POLR3G: variants seen among roughly 807,000 people sequenced by gnomAD.
POLR3G encodes RNA polymerase III subunit G, also known as DNA-directed RNA polymerase III subunit RPC7.
POLR3G carries 28 observed loss-of-function variants against 30.1 expected under a neutral mutation model. That is an observed-to-expected ratio of 0.93 (90% CI 0.69 to 1.27). The LOEUF (loss-of-function observed/expected upper bound fraction) is 1.27, where lower values mean the gene tolerates loss of function less well. POLR3G is among the 50% of genes most tolerant of loss of function. The pLI is 0.00. For synonymous variants in POLR3G, 79 were observed against 82.5 expected (o/e 0.96, Z 0.23); for missense variants, 254 against 264.6 (o/e 0.96, Z 0.28).
chr5:90,497,041 A>G (rs980605385), intron 4 of POLR3G, among the ~76,000 whole-genome samples: 1 of 152,238 alleles, frequency 6.6e-6, no homozygotes, highest in Non-Finnish European at 1.5e-5. Flanking sequence ...TTTTAAATCA[A>G]CTTTTATGTT....
intron 3 of POLR3G, chr5:90,490,552 C>T (rs557222609): frequency 1.3e-5 from 5 of 388,698 alleles, no homozygotes; most frequent in Admixed American, 6.3e-5. Context: ...GCGCACACAC[C>T]ATGCCCGGCT....
intron 7 of POLR3G, among the ~76,000 whole-genome samples, chr5:90,510,246 C>T (rs1035308414): frequency 2.3e-4 from 35 of 152,022 alleles, no homozygotes; most frequent in Non-Finnish European, 3.8e-4. Context: ...GGCGTGGTGG[C>T]AGGCGCCTGT....
rs1164898166 is a variant in POLR3G, at chr5:90,492,643, G to T, written c.248-3034G>T. Among the ~76,000 whole-genome samples the T allele has an allele frequency of 2.0e-5, 3 of 152,186 alleles. No individual in the cohort carries two copies. The East Asian group carries it at 5.8e-4, about 29-fold the overall frequency. On this transcript the variant is annotated intron_variant, in intron 3 of 7. Coordinates refer to ENST00000651687, the MANE Select transcript of POLR3G (RefSeq NM_006467.3). ...CACCCCTGTAATCCCAGCACTTTGGGAGTCTGAGGCAGGTGGATCACGAGG... is the reference window on the plus strand; with the variant it reads ...CACCCCTGTAATCCCAGCACTTTGGTAGTCTGAGGCAGGTGGATCACGAGG...
intron 3 of POLR3G, 147 bp downstream of exon 3, chr5:90,488,276 A>G: frequency 1.7e-6 from 1 of 575,216 alleles, no homozygotes; most frequent in Non-Finnish European, 2.7e-6. Context: ...ATGTTGCTTT[A>G]ACAGAAAAAA....
intron 1 of POLR3G, among the ~76,000 whole-genome samples, chr5:90,476,859 A>G (rs1034841739): frequency 6.6e-6 from 1 of 152,142 alleles, no homozygotes; most frequent in Non-Finnish European, 1.5e-5. Context: ...CCCTTTCCAC[A>G]ATAGCATCCA....
intron 7 of POLR3G, among the ~76,000 whole-genome samples, chr5:90,509,570 T>C (rs1355002851): frequency 6.6e-6 from 1 of 152,200 alleles, no homozygotes; most frequent in Non-Finnish European, 1.5e-5. Flanking sequence ...CAAAGTCTAT[T>C]TTAGGCATAT....
chr5:90,501,011 A>C (rs748762929), intron 5 of POLR3G, among the ~76,000 whole-genome samples: 23 of 152,126 alleles, frequency 1.5e-4, no homozygotes, highest in Admixed American at 6.6e-5. Context: ...CTCAAAATGC[A>C]ATATTTTTGA....
intron 3 of POLR3G, among the ~76,000 whole-genome samples, chr5:90,489,937 T>A (rs538399030): frequency 3.2e-4 from 49 of 152,154 alleles, no homozygotes; most frequent in African/African-American, 1.2e-3. Flanking sequence ...GAAAACCCTG[T>A]CTCTATTAAA....
chr5:90,499,782 T>G (rs1752158577), intron 5 of POLR3G, among the ~76,000 whole-genome samples: 1 of 152,212 alleles, frequency 6.6e-6, no homozygotes, highest in African/African-American at 2.4e-5. Context: ...ACATGTGTAT[T>G]TAAGGCAGAG....
rs776640819 is a variant in POLR3G at position 90,488,023 on chromosome 5, A to G, written c.141A>G (p.Pro47=). Residue 47 remains proline, a synonymous_variant, in exon 3 of 8, where the codon CCA becomes CCG. Coordinates refer to ENST00000651687, the MANE Select transcript of POLR3G (RefSeq NM_006467.3). ...LFPDTDYKPV[P]LKTGEGEEYM... is the part of the protein sequence containing the mutation. The stretch of plus-strand genomic sequence containing the variant: ...AGGATACAGATTATAAACCAGTGCC[A>G]CTGAAAACAGGAGAAGGTGAAGAAT... 8 of 1,605,704 alleles carry G rather than the reference A, an allele frequency of 5.0e-6. No individual in the cohort carries two copies. In the East Asian group the frequency reaches 1.6e-4, roughly 32 times the overall value.
At chr5:90,479,682 G>A (rs1751029387) in intron 1 of POLR3G, among the ~76,000 whole-genome samples, 1 of 152,054 alleles carries the variant, frequency 6.6e-6, no homozygotes, top group Non-Finnish European at 1.5e-5. Context: ...TGTGGTTGCT[G>A]AGGGACTTAA....
At chr5:90,492,195 T>C (rs1321619177) in intron 3 of POLR3G, among the ~76,000 whole-genome samples, 1 of 152,194 alleles carries the variant, frequency 6.6e-6, no homozygotes, top group Non-Finnish European at 1.5e-5. Flanking sequence ...GACAGTGTCT[T>C]CAATGAATTT....
chr5:90,474,448 T>C (rs909082805), upstream of POLR3G: 5 of 678,828 alleles, frequency 7.4e-6, no homozygotes, highest in African/African-American at 1.8e-5. Context: ...GGGGTCGGAA[T>C]AGGAGGAGGA....
Position 90,514,096 on chromosome 5 carries a change from G to C in POLR3G, c.*1957G>C, listed in dbSNP as rs1156361707. On this transcript the variant is annotated 3_prime_UTR_variant, in exon 8 of 8. Transcript: ENST00000651687. ...CTTGGGGCAAGGATTTACTCTGGGA[G>C]GTACCGTTAAGAGCCTTCTTTCCCC... 4 of 152,178 alleles carry C rather than the reference G, an allele frequency of 2.6e-5. No homozygotes were observed. Among genetic ancestry groups the C allele is most frequent in the Non-Finnish European group, 5.9e-5 (4 of 68,034 alleles). 9.4% of individuals were successfully genotyped at this position (152,178 alleles called of 1,614,324 possible). A position where few individuals can be genotyped will look rare whatever the true frequency, so the allele number is the denominator to read the frequency against.
At chr5:90,494,580 C>A (rs1011006470) in intron 3 of POLR3G, among the ~76,000 whole-genome samples, 5 of 151,930 alleles carry the variant, frequency 3.3e-5, no homozygotes, top group African/African-American at 9.7e-5. Flanking sequence ...TTCTAGCCAT[C>A]CTAGTGGTTG....
intron 3 of POLR3G, among the ~76,000 whole-genome samples, chr5:90,489,088 C>G (rs369265732): frequency 6.6e-6 from 1 of 152,078 alleles, no homozygotes; most frequent in Non-Finnish European, 1.5e-5. Flanking sequence ...TCCTCTCTCT[C>G]TAGAATAGTT....
intron 1 of POLR3G, among the ~76,000 whole-genome samples, chr5:90,480,883 T>TA (rs1054873778): frequency 5.9e-5 from 9 of 152,190 alleles, no homozygotes; most frequent in Admixed American, 5.2e-4. Context: ...ACTTGGGAGA[T>TA]ACGCTTTCTC....
chr5:90,477,265 T>C (rs1750877498), intron 1 of POLR3G, among the ~76,000 whole-genome samples: 1 of 152,116 alleles, frequency 6.6e-6, no homozygotes, highest in Non-Finnish European at 1.5e-5. Flanking sequence ...ACTCCAGGCA[T>C]GCAATGGTTG....
intron 6 of POLR3G, chr5:90,502,222 C>G (rs752748612): frequency 2.7e-5 from 27 of 984,718 alleles, no homozygotes; most frequent in Non-Finnish European, 3.3e-5. Flanking sequence ...CACCTTCTGT[C>G]ACCTCTTTCT....
Sources: allele counts gnomAD v4.1 joint callset (sites outside exome capture counted in the v4.1 genomes callset), GRCh38; gene constraint gnomAD v4.1.1; transcripts MANE v1.5; gene names NCBI Gene and HGNC (gene_info 2026-07-23, HGNC 2026-07-21).